Variants in HMCN1 observed in about 807,000 individuals in gnomAD.
HMCN1 encodes hemicentin-1.
A neutral mutation model predicts 625.9 loss-of-function variants in HMCN1; 321 were observed. The ratio of observed to expected loss-of-function variants is 0.51; its 90% CI spans 0.47 to 0.56. HMCN1 has a LOEUF of 0.56. Ranked by LOEUF, HMCN1 falls within the 20% of genes least tolerant of loss-of-function variation. The probability of loss-of-function intolerance (pLI) is 0.00; values close to 1 mark genes in which losing one functional copy is unlikely to be tolerated. For synonymous variants in HMCN1, 2,425 were observed against 2,417.6 expected, an observed-to-expected ratio of 1.00 and a Z score of -0.09; for missense variants, 6,588 against 6,887.3, an observed-to-expected ratio of 0.96 and a Z score of 1.54.
intron 44 of HMCN1, 75 bp downstream of exon 44, chr1:186,054,061 AT>A: frequency 7.3e-7 from 1 of 1,377,776 alleles, no homozygotes; most frequent in African/African-American, 1.4e-5. Context: ...ACTTTTAAAA[AT>A]ATCTTTAATG....
Position 186,015,516 on chromosome 1 carries a change from A to G in HMCN1, c.4909+79A>G, listed in dbSNP as rs551871051. 1.2e-5 allele frequency: 16 copies of G among 1,358,062 alleles called. No homozygotes were observed. The East Asian group carries it at 2.1e-4, about 18-fold the overall frequency. 84.1% of individuals were successfully genotyped at this position (1,358,062 alleles called of 1,614,324 possible). On this transcript the variant is annotated intron_variant, in intron 31 of 106. Coordinates refer to ENST00000271588, the MANE Select transcript of HMCN1 (RefSeq NM_031935.3). ...AGGCAAATATCGAATTTATTCACTA[A>G]TAGTCCTTGGTGGGTTTGTCTTTTT...
chr1:185,791,133 GCT>G (rs1291960660), intron 1 of HMCN1, among the ~76,000 whole-genome samples: 3 of 151,894 alleles, frequency 2.0e-5, no homozygotes, highest in Admixed American at 6.6e-5. Flanking sequence ...CCTACTGTGG[GCT>G]CCCTTACTAC....
At position 186,117,049 on chromosome 1, in the gene HMCN1, A is replaced by G. The variant is rs1297423104; in HGVS notation, c.11617A>G (p.Thr3873Ala). 4.3e-6 allele frequency: 7 copies of G among 1,613,514 alleles called. No individual in the cohort carries two copies. Among genetic ancestry groups the G allele is most frequent in the African/African-American group, 4.0e-5 (3 of 75,012 alleles). ...IISPSVDDTA[T>A]YECTVTNGAG... The stretch of plus-strand genomic sequence containing the variant: ...TTCCCCTTCTGTGGATGACACTGCA[A>G]CCTATGAATGTACTGTGACAAACGG... Residue 3873 changes from threonine to alanine, a missense_variant, in exon 76 of 107, where the codon ACC becomes GCC. Coordinates refer to ENST00000271588, the MANE Select transcript of HMCN1 (RefSeq NM_031935.3).
intron 12 of HMCN1, 113 bp from the exon 13 acceptor site, chr1:185,963,655 C>A: frequency 1.2e-6 from 1 of 803,186 alleles, no homozygotes; most frequent in Non-Finnish European, 2.1e-6. Context: ...CAATCGACAC[C>A]AAAAATATAA....
At chr1:185,852,290 G>A (rs1344829931) in intron 2 of HMCN1, among the ~76,000 whole-genome samples, 2 of 151,928 alleles carry the variant, frequency 1.3e-5, no homozygotes, top group Non-Finnish European at 1.5e-5. Context: ...TTAAAAAAAT[G>A]CTATTGTATA....
chr1:185,809,633 C>A (rs751111556), intron 1 of HMCN1, among the ~76,000 whole-genome samples: 1 of 151,810 alleles, frequency 6.6e-6, no homozygotes, highest in Non-Finnish European at 1.5e-5. Flanking sequence ...AGTGGCACTC[C>A]TGGAAATAAT....
At chr1:186,061,752 A>T (rs1208160918) in intron 46 of HMCN1, 99 bp from the exon 47 acceptor site, 4 of 717,632 alleles carry the variant, frequency 5.6e-6, no homozygotes, top group Non-Finnish European at 9.6e-6. Context: ...TCTAAAGCAT[A>T]CTGATTAAAT....
chr1:185,837,071 C>T lies in HMCN1; in HGVS notation c.269-8955C>T, dbSNP rs1398526035. Among the ~76,000 whole-genome samples the T allele has an allele frequency of 8.7e-5, 13 of 149,744 alleles. 1 individual carries two copies. The highest frequency in any genetic ancestry group is 1.5e-5 in the Non-Finnish European group (1 of 67,588). ...TATATAAATATATATATATGTGTCA[C>T]ATTTTCTTTATCCAGTCTACTGTTG... On this transcript the variant is annotated intron_variant, in intron 1 of 106. Transcript: ENST00000271588.
chr1:185,791,374 TG>T (rs11364558), intron 1 of HMCN1, among the ~76,000 whole-genome samples: 4,721 of 152,242 alleles, frequency 0.031, 226 homozygotes, highest in African/African-American at 0.1. Flanking sequence ...TAATTGACCA[TG>T]AACATTGTAG....
Position 186,062,505 on chromosome 1 carries a change from GT to G in HMCN1, c.7427-3del, listed in dbSNP as rs756744413. 2 of 1,565,628 alleles carry G rather than the reference GT, an allele frequency of 1.3e-6. No individual in the cohort carries two copies. The highest frequency in any genetic ancestry group is 1.8e-6 in the Non-Finnish European group (2 of 1,136,358). On this transcript the variant is annotated splice_polypyrimidine_tract_variant and splice_region_variant and intron_variant, in intron 47 of 106. Transcript: ENST00000271588. ...GAGCTGTTATTTTGTTGTTGTTGTT[GT>G]TTTTTAGTACCACCTCATATTGTGG...
At chr1:186,163,826 G>A (rs1651688338) in intron 97 of HMCN1, among the ~76,000 whole-genome samples, 1 of 152,116 alleles carries the variant, frequency 6.6e-6, no homozygotes, top group Admixed American at 6.5e-5. Context: ...CCCACTCACT[G>A]AATTTTAATA....
chr1:186,059,476 C>T lies in HMCN1; in HGVS notation c.7312+2075C>T, dbSNP rs191656577. Among the ~76,000 whole-genome samples, 1,009 of 152,084 alleles carry T rather than the reference C, an allele frequency of 6.6e-3. 13 individuals are homozygous for T. The highest frequency in any genetic ancestry group is 0.052 in the South Asian group (253 of 4,828). On this transcript the variant is annotated intron_variant, in intron 46 of 106. Coordinates refer to ENST00000271588, the MANE Select transcript of HMCN1 (RefSeq NM_031935.3). Reference sequence around the variant, plus strand: ...GAAGTGGTGTTTTGGTTTTATTTATCTTTGTTGTGCTTGACTAGCAGCTGG... The same window carrying T: ...GAAGTGGTGTTTTGGTTTTATTTATTTTTGTTGTGCTTGACTAGCAGCTGG...
chr1:185,887,147 C>T (rs760485366), intron 4 of HMCN1, among the ~76,000 whole-genome samples: 3 of 151,988 alleles, frequency 2.0e-5, no homozygotes, highest in Non-Finnish European at 4.4e-5. Flanking sequence ...GTCCACCTGC[C>T]ATGTGTACAC....
intron 54 of HMCN1, among the ~76,000 whole-genome samples, 179 bp downstream of exon 54, chr1:186,076,801 G>C (rs1658844311): frequency 6.6e-6 from 1 of 152,152 alleles, no homozygotes; most frequent in South Asian, 2.1e-4. Context: ...TTGAGAATTA[G>C]ACAATAGGAG....
chr1:186,070,891 A>G, intron 52 of HMCN1, 134 bp downstream of exon 52: 3 of 901,660 alleles, frequency 3.3e-6, no homozygotes, highest in Non-Finnish European at 5.2e-6. Flanking sequence ...CCATGCTCCT[A>G]GAATCTAAAA....
intron 75 of HMCN1, among the ~76,000 whole-genome samples, chr1:186,116,666 T>C (rs972435879): frequency 5.3e-5 from 8 of 152,154 alleles, no homozygotes; most frequent in African/African-American, 1.9e-4. Context: ...GTGGCTGTTA[T>C]CAGTGTTCTC....
intron 42 of HMCN1, among the ~76,000 whole-genome samples, chr1:186,049,687 GATT>G (rs1656818969): frequency 1.3e-5 from 2 of 151,858 alleles, no homozygotes; most frequent in Non-Finnish European, 2.9e-5. Flanking sequence ...TAATTATTGA[GATT>G]ATAAGCTGAA....
At position 186,117,526 on chromosome 1, in the gene HMCN1, C is replaced by G. The variant is rs1366515808; in HGVS notation, c.11751C>G (p.Thr3917=). Residue 3917 remains threonine (T), a synonymous_variant, in exon 77 of 107, where the codon ACC becomes ACG. Coordinates refer to ENST00000271588, the MANE Select transcript of HMCN1 (RefSeq NM_031935.3). ...LVTKHAPAVI[T]CTASGVPFPS... ...CCAAACATGCCCCAGCAGTAATTAC[C>G]TGCACTGCTTCGGGAGTTCCATTTC... The G allele has an allele frequency of 6.2e-7, 1 of 1,613,540 alleles. No homozygotes were observed. The highest frequency in any genetic ancestry group is 8.5e-7 in the Non-Finnish European group (1 of 1,179,628).
intron 35 of HMCN1, among the ~76,000 whole-genome samples, chr1:186,022,733 T>G (rs743138): frequency 0.62 from 93,484 of 151,738 alleles, 29,714 homozygotes; most frequent in African/African-American, 0.79. Context: ...TTTTCATCAC[T>G]TACTTCATAG....
Sources: allele counts gnomAD v4.1 joint callset (sites outside exome capture counted in the v4.1 genomes callset), GRCh38; gene constraint gnomAD v4.1.1; transcripts MANE v1.5; gene names NCBI Gene and HGNC (gene_info 2026-07-23, HGNC 2026-07-21).